The following GRM8 variants were observed in gnomAD, a reference collection of about 807,000 sequenced individuals.
GRM8 encodes the protein glutamate metabotropic receptor 8.
A neutral mutation model predicts 87.2 loss-of-function variants in GRM8; 47 were observed. The observed-to-expected ratio is 0.54, with a 90% CI of 0.43 to 0.69. The LOEUF (loss-of-function observed/expected upper bound fraction) is 0.69, where lower values mean the gene tolerates loss of function less well. Ranked by LOEUF, GRM8 falls within the 30% of genes least tolerant of loss-of-function variation. GRM8 has a pLI of 0.00. For synonymous variants in GRM8, 396 were observed against 404.5 expected (o/e 0.98, Z 0.25); for missense variants, 1,019 against 1,139.2 (o/e 0.89, Z 1.52).
intron 9 of GRM8, among the ~76,000 whole-genome samples, chr7:126,526,018 ATACCACATTTAGATTTTTCTTTTACAT>A (rs1813767352): frequency 6.6e-6 from 1 of 152,208 alleles, no homozygotes; most frequent in South Asian, 2.1e-4. Flanking sequence ...AACCCATATG[ATACCACATTTAGATTTTTCTTTTACAT>A]TTCTCAACAT....
intron 6 of GRM8, among the ~76,000 whole-genome samples, chr7:126,852,389 A>C (rs1421111967): frequency 6.6e-6 from 1 of 152,192 alleles, no homozygotes; most frequent in Non-Finnish European, 1.5e-5. Context: ...ACAAACAAAC[A>C]AACACAAAAA....
intron 2 of GRM8, chr7:127,112,021 T>C (rs1826392369): frequency 3.1e-5 from 2 of 64,336 alleles, no homozygotes; most frequent in African/African-American, 2.2e-4. Flanking sequence ...CAAAACTCTG[T>C]CTCAAAAAAA....
intron 7 of GRM8, among the ~76,000 whole-genome samples, chr7:126,741,775 TCA>T (rs1254534875): frequency 6.6e-6 from 1 of 152,132 alleles, no homozygotes; most frequent in African/African-American, 2.4e-5. Context: ...GGAGCCACTT[TCA>T]CAAGATTGTG....
At position 126,757,891 on chromosome 7, in the gene GRM8, T is replaced by C. The variant is rs74843938; in HGVS notation, c.1357+11974A>G. Among the ~76,000 whole-genome samples the C allele has an allele frequency of 6.9e-3, 1,044 of 152,308 alleles. 8 individuals are homozygous for C. Among genetic ancestry groups the C allele is most frequent in the South Asian group, 0.043 (206 of 4,824 alleles). ...TTACTTGAGGCCAGATATATTCATA[T>C]AGGTTTTAGGTCATTTTACTCCCAT... On this transcript the variant is annotated intron_variant, in intron 7 of 10. Transcript: ENST00000339582.
chr7:126,999,963 T>C (rs1295206942), intron 3 of GRM8, among the ~76,000 whole-genome samples: 1 of 151,822 alleles, frequency 6.6e-6, no homozygotes, highest in Non-Finnish European at 1.5e-5. Context: ...CTGTTCACAA[T>C]AGCCAATAGC....
intron 3 of GRM8, among the ~76,000 whole-genome samples, chr7:127,015,950 G>A (rs944819369): frequency 2.0e-5 from 3 of 152,216 alleles, no homozygotes; most frequent in Non-Finnish European, 4.4e-5. Flanking sequence ...GAGAGAATGA[G>A]ATCCAAAGAA....
chr7:126,444,653 T>C (rs1162368127), intron 10 of GRM8, among the ~76,000 whole-genome samples: 1 of 152,012 alleles, frequency 6.6e-6, no homozygotes, highest in Non-Finnish European at 1.5e-5. Flanking sequence ...TAAATTAGAG[T>C]AGACAATGCT....
At chr7:126,892,404 G>T (rs1194630912) in intron 6 of GRM8, among the ~76,000 whole-genome samples, 1 of 151,996 alleles carries the variant, frequency 6.6e-6, no homozygotes, top group South Asian at 2.1e-4. Context: ...TTTTGTTCCT[G>T]CAATAGTTTA....
At chr7:127,247,186 T>A (rs990856235) in intron 1 of GRM8, among the ~76,000 whole-genome samples, 2 of 152,206 alleles carry the variant, frequency 1.3e-5, no homozygotes, top group African/African-American at 4.8e-5. Flanking sequence ...GAAGATCCAA[T>A]GCGGTTTGTC....
intron 2 of GRM8, among the ~76,000 whole-genome samples, chr7:127,162,010 C>A (rs1162832718): frequency 6.6e-6 from 1 of 152,154 alleles, no homozygotes; most frequent in Admixed American, 6.5e-5. Context: ...TTAGAGTGAA[C>A]ACAATGGAAT....
intron 2 of GRM8, among the ~76,000 whole-genome samples, chr7:127,175,207 G>A (rs1229711634): frequency 6.6e-6 from 1 of 152,120 alleles, no homozygotes; most frequent in Non-Finnish European, 1.5e-5. Context: ...AGATGCTAGA[G>A]ATCAAACACT....
At chr7:126,519,955 C>T (rs914178355) in intron 9 of GRM8, among the ~76,000 whole-genome samples, 3 of 151,452 alleles carry the variant, frequency 2.0e-5, no homozygotes, top group Admixed American at 1.3e-4. Context: ...GAAGAGAAGT[C>T]GGTGTCAACT....
intron 7 of GRM8, among the ~76,000 whole-genome samples, chr7:126,728,775 C>T (rs6973731): frequency 1.0e-3 from 157 of 152,248 alleles, no homozygotes; most frequent in African/African-American, 3.6e-3. Context: ...ATCCATGGTC[C>T]AGGGGAGGCT....
chr7:126,541,315 T>C (rs1382107089), intron 8 of GRM8, among the ~76,000 whole-genome samples: 1 of 152,126 alleles, frequency 6.6e-6, no homozygotes, highest in Non-Finnish European at 1.5e-5. Flanking sequence ...ACAAAATTAC[T>C]AATATATAGT....
chr7:126,599,288 CT>C (rs767480361), intron 8 of GRM8, among the ~76,000 whole-genome samples: 37 of 152,190 alleles, frequency 2.4e-4, no homozygotes, highest in Admixed American at 9.8e-4. Flanking sequence ...TTGCAAGGAT[CT>C]TTTAACGTGA....
intron 2 of GRM8, among the ~76,000 whole-genome samples, chr7:127,139,147 T>C (rs1290284224): frequency 1.3e-5 from 2 of 152,094 alleles, no homozygotes; most frequent in Admixed American, 6.5e-5. Flanking sequence ...TCAGCTTAGA[T>C]TGGGTGGACA....
At chr7:126,806,388 G>A (rs1260922849) in intron 6 of GRM8, among the ~76,000 whole-genome samples, 1 of 152,228 alleles carries the variant, frequency 6.6e-6, no homozygotes, top group Non-Finnish European at 1.5e-5. Flanking sequence ...GTGAGCAGCA[G>A]GAAGATTTAT....
At chr7:127,191,317 G>C (rs1363136162) in intron 2 of GRM8, among the ~76,000 whole-genome samples, 2 of 152,136 alleles carry the variant, frequency 1.3e-5, no homozygotes, top group African/African-American at 2.4e-5. Flanking sequence ...TGGGTTCAAT[G>C]CATTTGACAG....
At chr7:126,670,030 C>T (rs145417326) in intron 7 of GRM8, among the ~76,000 whole-genome samples, 1 of 152,122 alleles carries the variant, frequency 6.6e-6, no homozygotes, top group East Asian at 1.9e-4. Flanking sequence ...ATAAGAACAA[C>T]AAGGTATTCT....
Sources: gnomAD v4.1 joint callset for allele counts (sites outside exome capture counted in the v4.1 genomes callset) on GRCh38, gnomAD v4.1.1 for gene constraint, MANE v1.5 for transcripts, NCBI Gene and HGNC (gene_info 2026-07-23, HGNC 2026-07-21) for gene names.